The following HPSE2 variants were observed in gnomAD, a reference collection of about 807,000 sequenced individuals.
The protein encoded by HPSE2 is heparanase 2 (inactive).
In HPSE2, 38 loss-of-function variants were observed where a neutral mutation model predicts 60.5. That is an observed-to-expected ratio of 0.63 (90% CI 0.48 to 0.82). The LOEUF is 0.82. HPSE2 is among the 40% of genes least tolerant of loss of function. HPSE2 has a pLI of 0.00. For missense variants in HPSE2, 713 were observed against 740.4 expected, an observed-to-expected ratio of 0.96 and a Z score of 0.43; for synonymous variants, 295 against 293.2, an observed-to-expected ratio of 1.01 and a Z score of -0.06.
chr10:99,074,611 A>G (rs1387635678), intron 3 of HPSE2, among the ~76,000 whole-genome samples: 1 of 152,032 alleles, frequency 6.6e-6, no homozygotes, highest in Non-Finnish European at 1.5e-5. Context: ...ATGTTTTTGG[A>G]CGAGTTTGAG....
At chr10:98,470,162 T>C (rs977178481) in intron 11 of HPSE2, among the ~76,000 whole-genome samples, 12 of 152,164 alleles carry the variant, frequency 7.9e-5, no homozygotes, top group African/African-American at 2.9e-4. Flanking sequence ...AAACATAACA[T>C]GTTTAGTTAT....
chr10:99,079,410 G>A (rs1010558984), intron 3 of HPSE2, among the ~76,000 whole-genome samples: 1 of 151,964 alleles, frequency 6.6e-6, no homozygotes, highest in African/African-American at 2.4e-5. Flanking sequence ...TCAGCACTCT[G>A]AGCAGGCAAG....
Position 98,939,014 on chromosome 10 carries a change from T to C in HPSE2, c.611-194958A>G, listed in dbSNP as rs377325278. ...TTCATAAGTGAAGGAGAAATAAAATTCTTTACAGACAAGCAAATGCTGAGA... is the reference window on the plus strand; with the variant it reads ...TTCATAAGTGAAGGAGAAATAAAATCCTTTACAGACAAGCAAATGCTGAGA... On this transcript the variant is annotated intron_variant, in intron 3 of 11. Coordinates refer to ENST00000370552, the MANE Select transcript of HPSE2 (RefSeq NM_021828.5). Among the ~76,000 whole-genome samples the C allele has an allele frequency of 1.1e-4, 16 of 143,578 alleles. 2 individuals are homozygous for C. The highest frequency in any genetic ancestry group is 4.3e-4 in the African/African-American group (15 of 35,280). 94.2% of individuals were successfully genotyped at this position (143,578 alleles called of 152,430 possible). A position where few individuals can be genotyped will look rare whatever the true frequency, so the allele number is the denominator to read the frequency against.
intron 2 of HPSE2, among the ~76,000 whole-genome samples, chr10:99,162,818 C>T (rs911925159): frequency 6.6e-6 from 1 of 152,114 alleles, no homozygotes; most frequent in African/African-American, 2.4e-5. Flanking sequence ...CCAATTAATA[C>T]TATCTACTTC....
At chr10:98,485,127 T>G (rs1941393552) in intron 10 of HPSE2, among the ~76,000 whole-genome samples, 1 of 152,224 alleles carries the variant, frequency 6.6e-6, no homozygotes, top group South Asian at 2.1e-4. Flanking sequence ...TGGAGTTTTT[T>G]ATTTTTGTTT....
chr10:98,483,903 A>G (rs1941341863), intron 10 of HPSE2, among the ~76,000 whole-genome samples: 1 of 152,192 alleles, frequency 6.6e-6, no homozygotes, highest in Non-Finnish European at 1.5e-5. Flanking sequence ...CCTGACAGAT[A>G]CACACTTTTT....
At chr10:98,670,382 G>A (rs553472820) in intron 6 of HPSE2, among the ~76,000 whole-genome samples, 21 of 152,202 alleles carry the variant, frequency 1.4e-4, no homozygotes, top group Non-Finnish European at 2.5e-4. Flanking sequence ...GCTGATCCAG[G>A]TTTAGTATCC....
chr10:99,279,798 G>T, the HPSE2 span, among the ~76,000 whole-genome samples: 1 of 152,222 alleles, frequency 6.6e-6, no homozygotes, highest in Non-Finnish European at 1.5e-5. Context: ...GTCACCAGGG[G>T]AGGCAGACTA....
rs150233367 is a variant in HPSE2 at position 98,861,949 on chromosome 10, C to T, written c.611-117893G>A. ...GGAGTGGATCTTTGAAATATAGGCCCTCTAGCGTTTGCAGGAATAGTGAGT... is the reference window on the plus strand; with the variant it reads ...GGAGTGGATCTTTGAAATATAGGCCTTCTAGCGTTTGCAGGAATAGTGAGT... On this transcript the variant is annotated intron_variant, in intron 3 of 11. Transcript: ENST00000370552. 2.1e-3 allele frequency among the ~76,000 whole-genome samples: 324 copies of T among 152,260 alleles called. 2 individuals are homozygous for T. Among genetic ancestry groups the T allele is most frequent in the African/African-American group, 7.2e-3 (298 of 41,552 alleles).
chr10:98,792,268 C>T (rs1482094741), intron 3 of HPSE2, among the ~76,000 whole-genome samples: 1 of 151,772 alleles, frequency 6.6e-6, no homozygotes, highest in Non-Finnish European at 1.5e-5. Context: ...TTTTTATCAT[C>T]AAGGTGAAAA....
In HPSE2 at chr10:98,936,320, T is replaced by G. The variant is rs371247149; in HGVS notation, c.611-192264A>C. On this transcript the variant is annotated intron_variant, in intron 3 of 11. Coordinates refer to ENST00000370552, the MANE Select transcript of HPSE2 (RefSeq NM_021828.5). The stretch of plus-strand genomic sequence containing the variant: ...TTTCCACAGGAGTGGACTGTTCTCC[T>G]GTCTCACTAGAGTTCCAAGTGCCAC... Among the ~76,000 whole-genome samples the G allele has an allele frequency of 1.2e-4, 18 of 144,118 alleles. 3 individuals carry two copies. The highest frequency in any genetic ancestry group is 4.8e-4 in the African/African-American group (17 of 35,586). The allele number at this position is 144,118 out of a possible 152,430, so 94.5% of individuals were successfully genotyped here.
chr10:99,128,524 C>CT (rs900891369), intron 3 of HPSE2, among the ~76,000 whole-genome samples: 9 of 152,192 alleles, frequency 5.9e-5, no homozygotes, highest in African/African-American at 2.2e-4. Context: ...AGATCATGTC[C>CT]TTTGTAGGGA....
chr10:98,792,707 G>A (rs1437477858), intron 3 of HPSE2, among the ~76,000 whole-genome samples: 1 of 151,162 alleles, frequency 6.6e-6, no homozygotes, highest in African/African-American at 2.4e-5. Flanking sequence ...AGTGGTGGTT[G>A]TTTCTCCAAC....
At chr10:98,513,591 C>T (rs1942493075) in intron 9 of HPSE2, among the ~76,000 whole-genome samples, 1 of 152,178 alleles carries the variant, frequency 6.6e-6, no homozygotes, top group South Asian at 2.1e-4. Flanking sequence ...CCTTCATCTG[C>T]TCACTGTCAA....
chr10:98,611,022 C>T (rs555316356), intron 9 of HPSE2, among the ~76,000 whole-genome samples: 2 of 152,028 alleles, frequency 1.3e-5, no homozygotes, highest in East Asian at 3.9e-4. Flanking sequence ...CAAACATCGC[C>T]TACTCCCAAG....
chr10:98,840,695 A>C (rs1951890733), intron 3 of HPSE2, among the ~76,000 whole-genome samples: 1 of 152,178 alleles, frequency 6.6e-6, no homozygotes, highest in Non-Finnish European at 1.5e-5. Flanking sequence ...CTGAAACATG[A>C]AATGGAGAAG....
At chr10:98,733,648 T>A (rs1245479834) in intron 4 of HPSE2, among the ~76,000 whole-genome samples, 1 of 152,114 alleles carries the variant, frequency 6.6e-6, no homozygotes, top group Non-Finnish European at 1.5e-5. Flanking sequence ...CTTTATTTAG[T>A]ATTTTGAGGT....
At chr10:98,534,078 A>C (rs528602245) in intron 9 of HPSE2, among the ~76,000 whole-genome samples, 1 of 152,236 alleles carries the variant, frequency 6.6e-6, no homozygotes, top group Non-Finnish European at 1.5e-5. Context: ...AGGGTTAGAC[A>C]TAAGTTTTTA....
intron 3 of HPSE2, among the ~76,000 whole-genome samples, chr10:98,985,878 A>T (rs1956331315): frequency 6.6e-6 from 1 of 152,208 alleles, no homozygotes; most frequent in African/African-American, 2.4e-5. Context: ...ACCAACAAAG[A>T]TCAAAAGAGA....
Sources: allele counts gnomAD v4.1 joint callset (sites outside exome capture counted in the v4.1 genomes callset), GRCh38; gene constraint gnomAD v4.1.1; transcripts MANE v1.5; gene names NCBI Gene and HGNC (gene_info 2026-07-23, HGNC 2026-07-21).